The following MYO16 variants were observed in gnomAD, a reference collection of about 807,000 sequenced individuals.
MYO16 encodes myosin XVI.
Under a neutral mutation model 205.3 loss-of-function variants are expected in MYO16, and 94 were observed. The observed-to-expected ratio is 0.46, with a 90% CI of 0.39 to 0.54. The LOEUF is 0.54. Among genes scored for constraint, MYO16 ranks in the 20% least tolerant of loss-of-function variants. MYO16 has a pLI of 0.00. For missense variants in MYO16, 2,315 were observed against 2,387.5 expected, an observed-to-expected ratio of 0.97 and a Z score of 0.63; for synonymous variants, 988 against 954.0, an observed-to-expected ratio of 1.04 and a Z score of -0.66.
chr13:109,089,811 T>C (rs1277615610), intron 27 of MYO16, among the ~76,000 whole-genome samples: 1 of 152,238 alleles, frequency 6.6e-6, no homozygotes, highest in Non-Finnish European at 1.5e-5. Context: ...TCTATAAATC[T>C]TCCTTTGTTT....
intron 11 of MYO16, among the ~76,000 whole-genome samples, chr13:108,859,463 ATC>A (rs1594349968): frequency 6.6e-6 from 1 of 152,204 alleles, no homozygotes; most frequent in Non-Finnish European, 1.5e-5. Context: ...CAGGATTTTC[ATC>A]TCTTTTTGCT....
chr13:109,086,034 T>C (rs1000385860), intron 27 of MYO16, among the ~76,000 whole-genome samples: 3 of 152,174 alleles, frequency 2.0e-5, no homozygotes, highest in African/African-American at 4.8e-5. Flanking sequence ...TTAAAACAAG[T>C]TCAAATGAAA....
intron 1 of MYO16, among the ~76,000 whole-genome samples, chr13:108,637,358 A>G (rs9583271): frequency 0.13 from 19,616 of 152,116 alleles, 1,718 homozygotes; most frequent in South Asian, 0.25. Flanking sequence ...GTGGATGGGA[A>G]AGGATTCCTT....
At chr13:108,859,188 GTCTC>G (rs1008793722) in intron 11 of MYO16, among the ~76,000 whole-genome samples, 12 of 151,684 alleles carry the variant, frequency 7.9e-5, no homozygotes, top group African/African-American at 2.9e-4. Context: ...CAGACTGTCT[GTCTC>G]TCTCTTTCTA....
chr13:108,538,684 T>G, the MYO16 span, among the ~76,000 whole-genome samples: 1 of 152,044 alleles, frequency 6.6e-6, no homozygotes, highest in Non-Finnish European at 1.5e-5. Context: ...CTTGCCTCCC[T>G]CCAACTTCAC....
At chr13:108,643,787 A>G (rs570107568) in intron 1 of MYO16, among the ~76,000 whole-genome samples, 1 of 152,276 alleles carries the variant, frequency 6.6e-6, no homozygotes, top group South Asian at 2.1e-4. Context: ...TTTGTTTTGC[A>G]TGGGCGCGTG....
chr13:108,828,850 T>G (rs1336214715), intron 9 of MYO16, among the ~76,000 whole-genome samples: 1 of 152,222 alleles, frequency 6.6e-6, no homozygotes, highest in Non-Finnish European at 1.5e-5. Context: ...TGGAGTTTGA[T>G]GTACCCTGCA....
intron 23 of MYO16, among the ~76,000 whole-genome samples, chr13:109,031,517 A>T (rs1886547238): frequency 6.6e-6 from 1 of 152,168 alleles, no homozygotes; most frequent in Admixed American, 6.6e-5. Context: ...TGCTCTACTT[A>T]CCAGTTGGGC....
chr13:109,098,608 G>C (rs564546620), intron 27 of MYO16, among the ~76,000 whole-genome samples: 3 of 152,100 alleles, frequency 2.0e-5, no homozygotes, highest in Non-Finnish European at 4.4e-5. Context: ...GTAGTTTTCC[G>C]TGCATCTCAT....
At chr13:108,628,245 G>A (rs1879823188), upstream of MYO16, among the ~76,000 whole-genome samples, 1 of 152,154 alleles carries the variant, frequency 6.6e-6, no homozygotes, top group Non-Finnish European at 1.5e-5. Context: ...ATAATTAATT[G>A]TGGAATCAAC....
At chr13:109,129,183 T>C (rs1225187415) in intron 31 of MYO16, among the ~76,000 whole-genome samples, 3 of 151,706 alleles carry the variant, frequency 2.0e-5, no homozygotes, top group African/African-American at 7.3e-5. Flanking sequence ...TAAGAAAGAA[T>C]AGACCTTTAG....
intron 27 of MYO16, among the ~76,000 whole-genome samples, chr13:109,078,085 A>G (rs1187258797): frequency 2.6e-5 from 4 of 151,836 alleles, no homozygotes; most frequent in Non-Finnish European, 5.9e-5. Flanking sequence ...TTTTGGTTTA[A>G]GTTATTGTAG....
At chr13:108,817,742 A>G (rs1434365218) in intron 7 of MYO16, among the ~76,000 whole-genome samples, 1 of 152,218 alleles carries the variant, frequency 6.6e-6, no homozygotes, top group Non-Finnish European at 1.5e-5. Context: ...TTTTAATTTT[A>G]TGATTTGACT....
chr13:109,177,364 G>T (rs560320379), intron 33 of MYO16, among the ~76,000 whole-genome samples: 7 of 152,086 alleles, frequency 4.6e-5, no homozygotes, highest in Non-Finnish European at 1.5e-5. Context: ...CTTATGCAGC[G>T]GTTGCTCATA....
At chr13:108,924,129 A>G (rs1566414132) in intron 16 of MYO16, among the ~76,000 whole-genome samples, 1 of 152,172 alleles carries the variant, frequency 6.6e-6, no homozygotes, top group Admixed American at 6.5e-5. Context: ...CTATGTTTAT[A>G]TACATTAAAA....
At chr13:108,831,462 C>T (rs1876618511) in intron 9 of MYO16, among the ~76,000 whole-genome samples, 1 of 152,132 alleles carries the variant, frequency 6.6e-6, no homozygotes, top group African/African-American at 2.4e-5. Context: ...CTTCTTGGTA[C>T]AGAAGTGTGT....
rs922636865 is a variant in MYO16 at position 109,088,819 on chromosome 13, A to G, written c.3336-11966A>G. On this transcript the variant is annotated intron_variant, in intron 27 of 34. Coordinates refer to ENST00000457511, the MANE Select transcript of MYO16 (RefSeq NM_001198950.3). ...GAGGAGAGGCCACAGCAGCCTGGCCATGGCCAGACGATGGTGAACAGCCCC... is the reference window on the plus strand; with the variant it reads ...GAGGAGAGGCCACAGCAGCCTGGCCGTGGCCAGACGATGGTGAACAGCCCC... 2.2e-4 allele frequency among the ~76,000 whole-genome samples: 34 copies of G among 152,302 alleles called. 1 individual carries two copies. Among genetic ancestry groups the G allele is most frequent in the Non-Finnish European group, 7.4e-5 (5 of 68,016 alleles).
At chr13:108,913,306 C>CT (rs1261101717) in intron 16 of MYO16, among the ~76,000 whole-genome samples, 4 of 152,150 alleles carry the variant, frequency 2.6e-5, no homozygotes, top group Non-Finnish European at 4.4e-5. Context: ...CACAGGAAAA[C>CT]TTTAACGGTA....
intron 1 of MYO16, among the ~76,000 whole-genome samples, chr13:108,638,696 C>T (rs762916637): frequency 4.6e-5 from 7 of 152,148 alleles, no homozygotes; most frequent in African/African-American, 1.4e-4. Flanking sequence ...AGACATTCTG[C>T]TATGCACTCA....
Sources: allele counts gnomAD v4.1 joint callset (sites outside exome capture counted in the v4.1 genomes callset), GRCh38; gene constraint gnomAD v4.1.1; transcripts MANE v1.5; gene names NCBI Gene and HGNC (gene_info 2026-07-23, HGNC 2026-07-21).